The following COL22A1 variants were observed in gnomAD, a reference collection of about 807,000 sequenced individuals.
COL22A1 encodes the protein collagen alpha-1(XXII) chain.
Under a neutral mutation model 248.9 loss-of-function variants are expected in COL22A1, and 221 were observed. The observed-to-expected ratio is 0.89, with a 90% CI of 0.80 to 0.99. COL22A1 has a LOEUF of 0.99. COL22A1 is among the 50% of genes least tolerant of loss of function. The pLI is 0.00. For missense variants in COL22A1, 2,240 were observed against 2,179.0 expected, an observed-to-expected ratio of 1.03 and a Z score of -0.56; for synonymous variants, 891 against 793.4, an observed-to-expected ratio of 1.12 and a Z score of -2.07.
At chr8:138,652,696 C>A (rs536086698) in intron 45 of COL22A1, among the ~76,000 whole-genome samples, 1 of 144,436 alleles carries the variant, frequency 6.9e-6, no homozygotes, top group Non-Finnish European at 1.5e-5. Flanking sequence ...TAGTCTCTAC[C>A]CCTTCCTTTG....
chr8:138,724,873 G>C (rs762273166), intron 24 of COL22A1, among the ~76,000 whole-genome samples: 1 of 152,158 alleles, frequency 6.6e-6, no homozygotes, highest in Non-Finnish European at 1.5e-5. Flanking sequence ...GCCTGCAGTC[G>C]GGGCGTCCTT....
chr8:138,722,844 T>TGGG (rs1829976979), intron 25 of COL22A1, among the ~76,000 whole-genome samples: 1 of 1,004 alleles, frequency 1.0e-3, no homozygotes, highest in East Asian at 0.021. Context: ...TCGGGTCACA[T>TGGG]GGGGGCGGGG....
chr8:138,778,320 A>T (rs367698815), intron 15 of COL22A1, 33 bp downstream of exon 15: 2 of 1,612,622 alleles, frequency 1.2e-6, no homozygotes, highest in East Asian at 2.2e-5. Context: ...GAGAAGGGGT[A>T]GAACCCCTGC....
Position 138,757,107 on chromosome 8 carries a change from T to C in COL22A1, c.1903-1278A>G, listed in dbSNP as rs556814227. Among the ~76,000 whole-genome samples the C allele has an allele frequency of 2.6e-5, 4 of 152,244 alleles. No homozygotes were observed. The South Asian group carries it at 8.3e-4, about 32-fold the overall frequency. ...CTTGCACACACACTGCATTCACCAC[T>C]CTATAGCCCCTGCAGGCACTTCCAG... On this transcript the variant is annotated intron_variant, in intron 18 of 64. Coordinates refer to ENST00000303045, the MANE Select transcript of COL22A1 (RefSeq NM_152888.3).
chr8:138,703,475 G>T, intron 30 of COL22A1, 128 bp from the exon 31 acceptor site: 1 of 754,248 alleles, frequency 1.3e-6, no homozygotes, highest in Non-Finnish European at 2.3e-6. Context: ...GTGCAGGTAG[G>T]TGCACCCTGC....
At chr8:138,780,730 C>CG (rs1563754552) in intron 13 of COL22A1, among the ~76,000 whole-genome samples, 197 bp downstream of exon 13, 1 of 152,122 alleles carries the variant, frequency 6.6e-6, no homozygotes, top group Admixed American at 6.5e-5. Context: ...AGGCGATACC[C>CG]GGGGGGCAAA....
At chr8:138,836,678 G>T (rs1295643589) in intron 4 of COL22A1, among the ~76,000 whole-genome samples, 6 of 152,192 alleles carry the variant, frequency 3.9e-5, no homozygotes, top group African/African-American at 1.4e-4. Flanking sequence ...TGTAAACTGG[G>T]ATAATGGGTA....
At chr8:138,684,719 C>T (rs867488171) in intron 38 of COL22A1, among the ~76,000 whole-genome samples, 3 of 152,204 alleles carry the variant, frequency 2.0e-5, no homozygotes, top group African/African-American at 7.2e-5. Flanking sequence ...AGTTTGCTTT[C>T]CCATTGAAGA....
At chr8:138,725,749 GCA>G (rs1830251774) in intron 23 of COL22A1, among the ~76,000 whole-genome samples, 1 of 138,958 alleles carries the variant, frequency 7.2e-6, no homozygotes, top group East Asian at 2.1e-4. Context: ...GTGCACATGT[GCA>G]GACACACACA....
chr8:138,598,986 T>C, intron 60 of COL22A1, 88 bp from the exon 61 acceptor site: 1 of 1,386,078 alleles, frequency 7.2e-7, no homozygotes, highest in Non-Finnish European at 1.0e-6. Flanking sequence ...CCAGTCTGCC[T>C]CTTAGATCAC....
chr8:138,604,815 A>G, intron 58 of COL22A1, 46 bp from the exon 59 acceptor site: 2 of 1,463,316 alleles, frequency 1.4e-6, no homozygotes, highest in Non-Finnish European at 1.9e-6. Context: ...CATCAGCCCA[A>G]TGTCAGTACT....
intron 5 of COL22A1, among the ~76,000 whole-genome samples, chr8:138,831,339 C>G (rs1348001416): frequency 6.6e-6 from 1 of 152,166 alleles, no homozygotes; most frequent in East Asian, 1.9e-4. Flanking sequence ...TTCCTCATTC[C>G]CTACTCTGGG....
chr8:138,763,297 G>T (rs909143860), intron 16 of COL22A1, among the ~76,000 whole-genome samples: 6 of 152,060 alleles, frequency 3.9e-5, no homozygotes, highest in Non-Finnish European at 8.8e-5. Flanking sequence ...TGAGGCACGA[G>T]AATGGCTTGT....
At chr8:138,844,253 G>C in intron 3 of COL22A1, 95 bp from the exon 4 acceptor site, 1 of 1,144,872 alleles carries the variant, frequency 8.7e-7, no homozygotes, top group South Asian at 1.2e-5. Flanking sequence ...ACCCTGCCTT[G>C]CAGCATGTGA....
chr8:138,604,181 G>A (rs942880325), intron 59 of COL22A1, among the ~76,000 whole-genome samples: 1 of 152,192 alleles, frequency 6.6e-6, no homozygotes, highest in African/African-American at 2.4e-5. Flanking sequence ...AGAGCTTAGA[G>A]AAGGAGGGGA....
chr8:138,824,828 C>A (rs569209689), intron 6 of COL22A1, among the ~76,000 whole-genome samples: 74 of 152,306 alleles, frequency 4.9e-4, no homozygotes, highest in African/African-American at 1.7e-3. Context: ...CTTCTGGTGA[C>A]GGGCACTCAA....
chr8:138,724,566 C>A (rs1425713838), intron 25 of COL22A1, 49 bp downstream of exon 25: 2 of 1,577,160 alleles, frequency 1.3e-6, no homozygotes, highest in Non-Finnish European at 1.7e-6. Flanking sequence ...CCCCCCAGAG[C>A]AATGGGGAGA....
At chr8:138,826,083 A>C (rs1303950984) in intron 6 of COL22A1, 1 of 152,728 alleles carries the variant, frequency 6.5e-6, no homozygotes, top group African/African-American at 2.4e-5. Context: ...GGAACTTCTC[A>C]TGATGAGATT....
intron 17 of COL22A1, among the ~76,000 whole-genome samples, chr8:138,760,967 G>A (rs1833435106): frequency 6.6e-6 from 1 of 152,176 alleles, no homozygotes; most frequent in East Asian, 1.9e-4. Flanking sequence ...AGGGCCTGGA[G>A]GGCAGCTGCA....
Sources: gnomAD v4.1 joint callset for allele counts (sites outside exome capture counted in the v4.1 genomes callset) on GRCh38, gnomAD v4.1.1 for gene constraint, MANE v1.5 for transcripts, NCBI Gene and HGNC (gene_info 2026-07-23, HGNC 2026-07-21) for gene names.